SLX4: variants seen among roughly 807,000 people sequenced by gnomAD.
The protein encoded by SLX4 is SLX4 structure-specific endonuclease subunit.
In SLX4, 112 loss-of-function variants were observed where a neutral mutation model predicts 146.2. That is an observed-to-expected ratio of 0.77 (90% CI 0.66 to 0.90). The LOEUF (loss-of-function observed/expected upper bound fraction) is 0.90. SLX4 is among the 40% of genes least tolerant of loss of function. The pLI is 0.00. For missense variants in SLX4, 2,563 were observed against 2,392.7 expected (o/e 1.07, Z -1.49); for synonymous variants, 1,061 against 997.7 (o/e 1.06, Z -1.20).
At position 3,600,842 on chromosome 16, in the gene SLX4, C is replaced by T. The variant is rs1596529652; in HGVS notation, c.1163+137G>A. On this transcript the variant is annotated intron_variant, in intron 5 of 14. Transcript: ENST00000294008. ...AACTCCTGATCTAAGGTGATCTGCC[C>T]ACCTTGGCCTCCCAAAGTGCTGCGA... is the stretch of plus-strand genomic sequence containing the variant. 1.6e-5 allele frequency: 14 copies of T among 863,230 alleles called. No individual in the cohort carries two copies. In the East Asian group the frequency reaches 3.7e-4, roughly 23 times the overall value. 53.5% of individuals were successfully genotyped at this position (863,230 alleles called of 1,614,324 possible).
Position 3,589,297 on chromosome 16 carries a change from GCCGGT to G in SLX4, c.4336_4340del (p.Thr1446ProfsTer19). ...GGCTGGGGCTGCTGGTGCTCAGGGG[GCCGGT>G]CCGCTCCAGGTTCCAGTGGTCAATG... On this transcript the variant is annotated frameshift_variant, in exon 12 of 15. Coordinates refer to ENST00000294008, the MANE Select transcript of SLX4 (RefSeq NM_032444.4). LOFTEE classifies it high-confidence loss of function. The surrounding 1 kb of genome is among the most constrained non-coding windows in gnomAD (Gnocchi z 6.2). 6.3e-7 allele frequency: 1 copy of G among 1,586,580 alleles called. No homozygotes were observed. Among genetic ancestry groups the G allele is most frequent in the Non-Finnish European group, 8.6e-7 (1 of 1,165,248 alleles).
intron 5 of SLX4, among the ~76,000 whole-genome samples, chr16:3,598,849 C>T (rs991147859): frequency 1.3e-5 from 2 of 152,240 alleles, no homozygotes; most frequent in Non-Finnish European, 1.5e-5. Context: ...GGAACACAGA[C>T]TGTGTTCCCT....
Position 3,589,110 on chromosome 16 carries a change from G to A in SLX4, c.4528C>T (p.Leu1510=). Residue 1510 remains leucine (L), a synonymous_variant, in exon 12 of 15, where the codon CTG becomes TTG. Coordinates refer to ENST00000294008, the MANE Select transcript of SLX4 (RefSeq NM_032444.4). This position sits in a 1 kb window ranked among gnomAD's most constrained non-coding sequence, Gnocchi z 6.2. Reference sequence around the variant, plus strand: ...TCTTCCCCGTCCCAAACGTCCCACAGAGCCGAATTCAGAAAGCTCGGCCTG... The same window carrying A: ...TCTTCCCCGTCCCAAACGTCCCACAAAGCCGAATTCAGAAAGCTCGGCCTG... ...NSRPSFLNSA[L]WDVWDGEEQR... The A allele has an allele frequency of 6.2e-7, 1 of 1,614,172 alleles. No individual in the cohort carries two copies. The highest frequency in any genetic ancestry group is 8.5e-7 in the Non-Finnish European group (1 of 1,180,048).
intron 11 of SLX4, among the ~76,000 whole-genome samples, chr16:3,592,213 A>G (rs2040601655): frequency 2.6e-5 from 4 of 152,236 alleles, no homozygotes; most frequent in Admixed American, 2.0e-4. Context: ...CCCTGTCCAG[A>G]GGCACAACAC....
chr16:3,602,207 GC>G lies in SLX4; in HGVS notation c.860del (p.Ser287ThrfsTer20), dbSNP rs752720263. ...ARVGASAHDD[S>X]LEEKGLFFCQ... Reference sequence around the variant, plus strand: ...AGAAGAACAAACCCTTTTCCTCCAGGCTATCATCATGTGCCGATGCTCCTAC... The same window carrying G: ...AGAAGAACAAACCCTTTTCCTCCAGGTATCATCATGTGCCGATGCTCCTAC... On this transcript the variant is annotated frameshift_variant, in exon 4 of 15. Coordinates refer to ENST00000294008, the MANE Select transcript of SLX4 (RefSeq NM_032444.4). LOFTEE classifies it high-confidence loss of function. 2.4e-5 allele frequency: 38 copies of G among 1,614,038 alleles called. No individual in the cohort carries two copies. The highest frequency in any genetic ancestry group is 3.1e-5 in the Non-Finnish European group (36 of 1,180,034).
At position 3,608,892 on chromosome 16, in the gene SLX4, C is replaced by T. The variant is rs201533738; in HGVS notation, c.73G>A (p.Gly25Arg). 8.1e-5 allele frequency: 131 copies of T among 1,614,128 alleles called. No individual in the cohort carries two copies. In the East Asian group the frequency reaches 2.2e-3, roughly 27 times the overall value. ...GSLSHLSACP[G>R]IDPRSSEDQP... ...TCTTCAGAGGAGCGAGGGTCAATCC[C>T]AGGACAGGCAGACAGATGAGAAAGT... The change falls in exon 2 of 15, where the codon GGG becomes AGG. Residue 25 changes from glycine to arginine, a missense_variant. By Grantham distance (125) the Gly-to-Arg change is moderately radical. Transcript: ENST00000294008.
Position 3,589,176 on chromosome 16 carries a change from A to C in SLX4, c.4462T>G (p.Leu1488Val), listed in dbSNP as rs1419035733. The change falls in exon 12 of 15, where the codon TTG (leucine) becomes GTG (valine). Residue 1488 changes from leucine to valine, a missense_variant. Coordinates refer to ENST00000294008, the MANE Select transcript of SLX4 (RefSeq NM_032444.4). The surrounding 1 kb of genome is among the most constrained non-coding windows in gnomAD (Gnocchi z 6.2). The part of the protein sequence containing the change: ...IRGSCTTQRK[L>V]QEKSSGAGSL... Reference sequence around the variant, plus strand: ...CCCGCGCCCGAGGACTTCTCTTGCAATTTCCTCTGGGTAGTGCAGCTTCCT... The same window carrying C: ...CCCGCGCCCGAGGACTTCTCTTGCACTTTCCTCTGGGTAGTGCAGCTTCCT... The C allele has an allele frequency of 1.2e-6, 2 of 1,613,868 alleles. No individual in the cohort carries two copies. The highest frequency in any genetic ancestry group is 2.2e-5 in the South Asian group (2 of 91,080).
rs2151133925 is a variant in SLX4 at position 3,601,009 on chromosome 16, G to A, written c.1133C>T (p.Pro378Leu). Residue 378 changes from proline (P) to leucine (L), a missense_variant, in exon 5 of 15, where the codon CCT (proline) becomes CTT (leucine). Physicochemically the swap from Pro to Leu is moderately conservative, Grantham distance 98. Coordinates refer to ENST00000294008, the MANE Select transcript of SLX4 (RefSeq NM_032444.4). ...CATGGGTGGGCTGCTGCTACCCTCA[G>A]GCTGTGCTGTCTGCAGCCGCACAGC... Reference protein sequence around the residue: ...LQAVRLQTAQPEGSSSPPMFS... With the variant: ...LQAVRLQTAQLEGSSSPPMFS... 1 of 1,613,790 alleles carries A rather than the reference G, an allele frequency of 6.2e-7. No individual in the cohort carries two copies. The highest frequency in any genetic ancestry group is 8.5e-7 in the Non-Finnish European group (1 of 1,180,018).
At chr16:3,585,487 G>C (rs1055156412) in intron 12 of SLX4, among the ~76,000 whole-genome samples, 1 of 151,248 alleles carries the variant, frequency 6.6e-6, no homozygotes, top group Non-Finnish European at 1.5e-5. Context: ...TTGGGAGGCT[G>C]AGGCAGGAGA....
At chr16:3,601,245 GA>G (rs1425442605) in intron 4 of SLX4, 54 bp from the exon 5 acceptor site, 8 of 1,580,064 alleles carry the variant, frequency 5.1e-6, no homozygotes, top group Non-Finnish European at 7.0e-6. Flanking sequence ...ATGTGGATTG[GA>G]GCAAATGTGG....
chr16:3,608,934 C>G lies in SLX4; in HGVS notation c.31G>C (p.Gly11Arg). 1 of 1,613,906 alleles carries G rather than the reference C, an allele frequency of 6.2e-7. No individual in the cohort carries two copies. The highest frequency in any genetic ancestry group is 8.5e-7 in the Non-Finnish European group (1 of 1,180,010). The change falls in exon 2 of 15, where the codon GGC becomes CGC. Residue 11 changes from glycine (G) to arginine (R), a missense_variant. Physicochemically the swap from Gly to Arg is moderately radical, Grantham distance 125. Coordinates refer to ENST00000294008, the MANE Select transcript of SLX4 (RefSeq NM_032444.4). ...TGAGAAAGTGAACCCAAGTAGAAGC[C>G]TAGCTGAGCCTCATTCACACTCAGT... MKLSVNEAQLGFYLGSLSHLS... is the reference protein window; with the variant it reads MKLSVNEAQLRFYLGSLSHLS...
Position 3,606,523 on chromosome 16 carries a change from C to T in SLX4, c.711G>A (p.Arg237=), listed in dbSNP as rs764586083. The T allele has an allele frequency of 6.2e-7, 1 of 1,614,214 alleles. No individual in the cohort carries two copies. Among genetic ancestry groups the T allele is most frequent in the South Asian group, 1.1e-5 (1 of 91,090 alleles). The part of the protein sequence containing the change: ...ASEECSLEAA[R]EENVPKDPQE... ...GAGGATCCTTTGGGACATTTTCTTC[C>T]CGCGCAGCCTCGAGGGAGCACTCTT... The change falls in exon 3 of 15, where the codon CGG becomes CGA. Residue 237 remains arginine, a synonymous_variant. Transcript: ENST00000294008.
chr16:3,602,219 T>A lies in SLX4; in HGVS notation c.849A>T (p.Ala283=). The change falls in exon 4 of 15, where the codon GCA becomes GCT. Residue 283 remains alanine, a synonymous_variant. Coordinates refer to ENST00000294008, the MANE Select transcript of SLX4 (RefSeq NM_032444.4). ...CCTTTTCCTCCAGGCTATCATCATGTGCCGATGCTCCTACCCGTGCAAACT... is the reference window on the plus strand; with the variant it reads ...CCTTTTCCTCCAGGCTATCATCATGAGCCGATGCTCCTACCCGTGCAAACT... The part of the protein sequence containing the change: ...QQEFARVGAS[A]HDDSLEEKGL... 1 of 1,614,186 alleles carries A rather than the reference T, an allele frequency of 6.2e-7. No individual in the cohort carries two copies. The highest frequency in any genetic ancestry group is 1.3e-5 in the African/African-American group (1 of 75,062).
chr16:3,610,989 T>G (rs1452024865), intron 1 of SLX4, among the ~76,000 whole-genome samples: 1 of 151,052 alleles, frequency 6.6e-6, no homozygotes, highest in African/African-American at 2.4e-5. Context: ...GATCTCCGCA[T>G]CTCTGTTGAT....
chr16:3,586,413 C>A (rs1436615824), intron 12 of SLX4, among the ~76,000 whole-genome samples: 1 of 151,880 alleles, frequency 6.6e-6, no homozygotes, highest in African/African-American at 2.4e-5. Context: ...CCCAGCTACT[C>A]AGGAGGTTGA....
In SLX4 at chr16:3,589,358, C is replaced by G. The variant is rs772869326; in HGVS notation, c.4280G>C (p.Cys1427Ser). The change falls in exon 12 of 15, where the codon TGC becomes TCC. Residue 1427 changes from cysteine to serine, a missense_variant. Transcript: ENST00000294008. This position sits in a 1 kb window ranked among gnomAD's most constrained non-coding sequence, Gnocchi z 6.2. Reference sequence around the variant, plus strand: ...TGGCGAGAGGGGCTCCATGTGCCAGCAGCAGTCGTCAATTGGAATTGGGGG... The same window carrying G: ...TGGCGAGAGGGGCTCCATGTGCCAGGAGCAGTCGTCAATTGGAATTGGGGG... ...SDPPIPIDDC[C>S]WHMEPLSPIP... 1.9e-6 allele frequency: 3 copies of G among 1,583,228 alleles called. No homozygotes were observed. In the Admixed American group the frequency reaches 5.2e-5, roughly 27 times the overall value.
chr16:3,582,986 G>T, intron 14 of SLX4, 111 bp downstream of exon 14: 1 of 1,403,526 alleles, frequency 7.1e-7, no homozygotes. Flanking sequence ...AAACCCAGAA[G>T]GTGACGGGGG....
At chr16:3,587,769 G>A (rs2040524375) in intron 12 of SLX4, among the ~76,000 whole-genome samples, 1 of 152,222 alleles carries the variant, frequency 6.6e-6, no homozygotes, top group Admixed American at 6.5e-5. Context: ...TGTTTCTGAA[G>A]CCCCTGAGGG....
chr16:3,596,750 G>A (rs1432182806), intron 7 of SLX4, among the ~76,000 whole-genome samples: 1 of 152,038 alleles, frequency 6.6e-6, no homozygotes, highest in African/African-American at 2.4e-5. Flanking sequence ...CCGCACGACT[G>A]TCTGGAGTGT....
Sources: gnomAD v4.1 joint callset for allele counts (sites outside exome capture counted in the v4.1 genomes callset) on GRCh38, gnomAD v4.1.1 for gene constraint, Gnocchi (gnomAD v3.1) non-coding constraint, MANE v1.5 for transcripts, NCBI Gene and HGNC (gene_info 2026-07-23, HGNC 2026-07-21) for gene names.